The following SGCZ variants were observed in gnomAD, a reference collection of about 807,000 sequenced individuals.
SGCZ encodes sarcoglycan zeta, also known as zeta-sarcoglycan.
Under a neutral mutation model 41.3 loss-of-function variants are expected in SGCZ, and 40 were observed. The ratio of observed to expected loss-of-function variants is 0.97; its 90% CI spans 0.75 to 1.26. The LOEUF is 1.26. Among genes scored for constraint, SGCZ ranks in the 50% most tolerant of loss-of-function variants. The pLI is 0.00. For synonymous variants in SGCZ, 206 were observed against 137.5 expected (o/e 1.50, Z -3.49); for missense variants, 552 against 369.8 (o/e 1.49, Z -4.04).
intron 1 of SGCZ, among the ~76,000 whole-genome samples, chr8:14,780,387 A>G (rs1464147849): frequency 6.6e-6 from 1 of 151,396 alleles, no homozygotes; most frequent in Non-Finnish European, 1.5e-5. Flanking sequence ...AAAAAAAAAA[A>G]AAAGAAAAGA....
intron 1 of SGCZ, among the ~76,000 whole-genome samples, chr8:14,942,546 A>G (rs777073332): frequency 3.9e-5 from 6 of 152,176 alleles, no homozygotes; most frequent in Non-Finnish European, 8.8e-5. Flanking sequence ...AAGGCCAGTT[A>G]AAGCTCCAAA....
chr8:14,891,940 G>A (rs1805034072), intron 1 of SGCZ, among the ~76,000 whole-genome samples: 1 of 152,162 alleles, frequency 6.6e-6, no homozygotes, highest in Non-Finnish European at 1.5e-5. Context: ...GTATGTATAT[G>A]TTTAGACATA....
chr8:14,325,319 C>T (rs1036984986), intron 2 of SGCZ, among the ~76,000 whole-genome samples: 1 of 151,812 alleles, frequency 6.6e-6, no homozygotes, highest in East Asian at 1.9e-4. Context: ...GAAGAACTTT[C>T]AAGATTCATC....
chr8:14,195,099 T>G (rs1051620683), intron 4 of SGCZ, among the ~76,000 whole-genome samples: 3 of 152,072 alleles, frequency 2.0e-5, no homozygotes, highest in African/African-American at 7.2e-5. Flanking sequence ...CAGAAAAACA[T>G]TAACCATAAC....
intron 2 of SGCZ, among the ~76,000 whole-genome samples, chr8:14,398,197 A>G (rs11996049): frequency 0.17 from 25,789 of 152,096 alleles, 5,174 homozygotes; most frequent in African/African-American, 0.48. Flanking sequence ...TCAGCTAATG[A>G]CACCGCTGTT....
chr8:14,147,324 C>G (rs1167459674), intron 5 of SGCZ, among the ~76,000 whole-genome samples: 1 of 152,020 alleles, frequency 6.6e-6, no homozygotes, highest in African/African-American at 2.4e-5. Context: ...AAGAAACACA[C>G]TTGACCTATA....
chr8:14,555,706 T>G (rs1032527844), intron 1 of SGCZ, among the ~76,000 whole-genome samples: 3 of 152,084 alleles, frequency 2.0e-5, no homozygotes, highest in Non-Finnish European at 2.9e-5. Context: ...AGACTGAGTC[T>G]ACCACAAGGA....
intron 1 of SGCZ, among the ~76,000 whole-genome samples, chr8:14,648,471 G>C (rs1480456204): frequency 1.3e-5 from 2 of 152,024 alleles, no homozygotes; most frequent in African/African-American, 4.8e-5. Flanking sequence ...TGAATAGTAT[G>C]TTTAGTACAT....
At chr8:14,578,346 G>C (rs1453710495) in intron 1 of SGCZ, among the ~76,000 whole-genome samples, 2 of 152,156 alleles carry the variant, frequency 1.3e-5, no homozygotes, top group Non-Finnish European at 2.9e-5. Flanking sequence ...GTGCCCACCA[G>C]TTATCAGCAG....
At chr8:14,385,251 G>A (rs1585435062) in intron 2 of SGCZ, among the ~76,000 whole-genome samples, 1 of 152,152 alleles carries the variant, frequency 6.6e-6, no homozygotes, top group Non-Finnish European at 1.5e-5. Flanking sequence ...ACCAGCTCCA[G>A]TACACTATTA....
At chr8:15,028,737 G>A (rs896077225) in intron 1 of SGCZ, among the ~76,000 whole-genome samples, 11 of 152,010 alleles carry the variant, frequency 7.2e-5, no homozygotes, top group African/African-American at 2.2e-4. Context: ...TTCTGGATGC[G>A]AGAGATAGGT....
At chr8:15,120,381 A>T (rs1436544733) in intron 1 of SGCZ, among the ~76,000 whole-genome samples, 1 of 152,182 alleles carries the variant, frequency 6.6e-6, no homozygotes, top group Non-Finnish European at 1.5e-5. Flanking sequence ...TTTTCCCCCA[A>T]CACTTAGAAA....
chr8:14,646,650 T>C (rs1031049), intron 1 of SGCZ, among the ~76,000 whole-genome samples: 127,034 of 146,458 alleles, frequency 0.87, 54,582 homozygotes, highest in South Asian at 0.99. Flanking sequence ...TTTCCACAGA[T>C]AATAGTTTCC....
At chr8:14,963,458 C>T (rs535345441) in intron 1 of SGCZ, among the ~76,000 whole-genome samples, 1 of 151,980 alleles carries the variant, frequency 6.6e-6, no homozygotes, top group Non-Finnish European at 1.5e-5. Context: ...CCTGCCTCAG[C>T]CTCCTGAGTA....
chr8:14,275,657 T>C (rs889677756), intron 3 of SGCZ, among the ~76,000 whole-genome samples: 1 of 152,174 alleles, frequency 6.6e-6, no homozygotes, highest in Non-Finnish European at 1.5e-5. Flanking sequence ...CGGACACTGA[T>C]AGGCAACTCT....
At chr8:15,126,139 C>T (rs189247656) in intron 1 of SGCZ, among the ~76,000 whole-genome samples, 216 of 152,132 alleles carry the variant, frequency 1.4e-3, no homozygotes, top group Non-Finnish European at 2.6e-3. Context: ...GAGGGAGACG[C>T]CATCTCAAAA....
intron 1 of SGCZ, among the ~76,000 whole-genome samples, chr8:15,052,275 G>T (rs1195126767): frequency 2.0e-5 from 3 of 152,310 alleles, no homozygotes; most frequent in African/African-American, 7.2e-5. Flanking sequence ...GCTTCATGGA[G>T]AGTGAGTTTC....
chr8:15,060,299 G>A (rs531495226), intron 1 of SGCZ, among the ~76,000 whole-genome samples: 1 of 152,002 alleles, frequency 6.6e-6, no homozygotes, highest in Non-Finnish European at 1.5e-5. Flanking sequence ...ACTGGATTAA[G>A]AAAATGTGGC....
intron 1 of SGCZ, among the ~76,000 whole-genome samples, chr8:14,955,294 T>G (rs1800757284): frequency 6.6e-6 from 1 of 152,232 alleles, no homozygotes; most frequent in Non-Finnish European, 1.5e-5. Flanking sequence ...ACTGTTTTTC[T>G]TTTGTGTTAT....
Sources: gnomAD v4.1 joint callset for allele counts (sites outside exome capture counted in the v4.1 genomes callset) on GRCh38, gnomAD v4.1.1 for gene constraint, MANE v1.5 for transcripts, NCBI Gene and HGNC (gene_info 2026-07-23, HGNC 2026-07-21) for gene names.